VHL: variants seen among roughly 807,000 people sequenced by gnomAD.
VHL encodes von Hippel-Lindau disease tumor suppressor.
VHL carries 10 observed loss-of-function variants against 19.2 expected under a neutral mutation model. The observed-to-expected ratio is 0.52, with a 90% CI of 0.32 to 0.89. The LOEUF (loss-of-function observed/expected upper bound fraction) is 0.89. Among genes scored for constraint, VHL ranks in the 40% least tolerant of loss-of-function variants. VHL has a pLI of 0.03. For missense variants in VHL, 328 were observed against 292.7 expected (o/e 1.12, Z -0.88); for synonymous variants, 167 against 129.5 (o/e 1.29, Z -1.97).
chr3:10,149,469 G>A (rs1696345989), intron 2 of VHL, among the ~76,000 whole-genome samples: 1 of 152,132 alleles, frequency 6.6e-6, no homozygotes, highest in Non-Finnish European at 1.5e-5. Flanking sequence ...GCTTTCAAAA[G>A]TATAAAAGCA....
rs996469746 is a variant in VHL at position 10,141,886 on chromosome 3, A to T, written c.39A>T (p.Val13=). The T allele has an allele frequency of 9.1e-6, 14 of 1,532,710 alleles. No individual in the cohort carries two copies. The highest frequency in any genetic ancestry group is 1.1e-5 in the Non-Finnish European group (13 of 1,137,492). The allele number at this position is 1,532,710 out of a possible 1,614,324, so 94.9% of individuals were successfully genotyped here. ...RRAENWDEAE[V]GAEEAGVEEY... ...CGGAGAACTGGGACGAGGCCGAGGTAGGCGCGGAGGAGGCAGGCGTCGAAG... is the reference window on the plus strand; with the variant it reads ...CGGAGAACTGGGACGAGGCCGAGGTTGGCGCGGAGGAGGCAGGCGTCGAAG... Residue 13 remains valine (V), a synonymous_variant, in exon 1 of 3, where the codon GTA becomes GTT. Coordinates refer to ENST00000256474, the MANE Select transcript of VHL (RefSeq NM_000551.4).
chr3:10,144,524 T>TG (rs1209833791), intron 1 of VHL, among the ~76,000 whole-genome samples: 1 of 125,554 alleles, frequency 8.0e-6, no homozygotes, highest in Non-Finnish European at 1.6e-5. Context: ...TGAGACAGGA[T>TG]GTCCTGCTGT....
chr3:10,152,524 ACT>A lies in VHL; in HGVS notation c.*2562_*2563del, dbSNP rs1696439193. Among the ~76,000 whole-genome samples the A allele has an allele frequency of 1.0e-5, 1 of 97,222 alleles. No homozygotes were observed. The highest frequency in any genetic ancestry group is 1.8e-5 in the Non-Finnish European group (1 of 54,992). The allele number at this position is 97,222 out of a possible 152,430, so 63.8% of individuals were successfully genotyped here. A position where few individuals can be genotyped will look rare whatever the true frequency, so the allele number is the denominator to read the frequency against. ...TTTTTTTTTTTTGAGATGGAGTCTC[ACT>A]CTGTTGCCCAGGCTGGAGTGCAGTG... is the stretch of plus-strand genomic sequence containing the variant. On this transcript the variant is annotated 3_prime_UTR_variant, in exon 3 of 3. Transcript: ENST00000256474.
chr3:10,143,401 T>C (rs1696176390), intron 1 of VHL, among the ~76,000 whole-genome samples: 2 of 152,148 alleles, frequency 1.3e-5, no homozygotes, highest in Admixed American at 1.3e-4. Context: ...AGTGCTGAGA[T>C]TACAGGTGTA....
rs878854127 is a variant in VHL, at chr3:10,149,864, G to A, written c.541G>A (p.Val181Ile). Reference protein sequence around the residue: ...KPENYRRLDIVRSLYEDLEDH... With the variant: ...KPENYRRLDIIRSLYEDLEDH... ...TGAGAATTACAGGAGACTGGACATCGTCAGGTCGCTCTACGAAGATCTGGA... is the reference window on the plus strand; with the variant it reads ...TGAGAATTACAGGAGACTGGACATCATCAGGTCGCTCTACGAAGATCTGGA... Residue 181 changes from valine (V) to isoleucine (I), a missense_variant, in exon 3 of 3, where the codon GTC becomes ATC. Coordinates refer to ENST00000256474, the MANE Select transcript of VHL (RefSeq NM_000551.4). 3.1e-6 allele frequency: 5 copies of A among 1,614,186 alleles called. No individual in the cohort carries two copies. Among genetic ancestry groups the A allele is most frequent in the South Asian group, 2.2e-5 (2 of 91,076 alleles).
chr3:10,141,876 A>G lies in VHL; in HGVS notation c.29A>G (p.Glu10Gly), dbSNP rs786204065. MPRRAENWDEAEVGAEEAGV... is the reference protein window; with the variant it reads MPRRAENWDGAEVGAEEAGV... ...CCCCGGAGGGCGGAGAACTGGGACG[A>G]GGCCGAGGTAGGCGCGGAGGAGGCA... The change falls in exon 1 of 3, where the codon GAG becomes GGG. Residue 10 changes from glutamate (E) to glycine (G), a missense_variant. Glu to Gly is a moderately conservative substitution (Grantham distance 98). Coordinates refer to ENST00000256474, the MANE Select transcript of VHL (RefSeq NM_000551.4). 1 of 1,533,598 alleles carries G rather than the reference A, an allele frequency of 6.5e-7. No individual in the cohort carries two copies. Among genetic ancestry groups the G allele is most frequent in the Non-Finnish European group, 8.8e-7 (1 of 1,138,092 alleles). The allele number at this position is 1,533,598 out of a possible 1,614,324, so 95.0% of individuals were successfully genotyped here.
Position 10,152,603 on chromosome 3 carries a change from C to T in VHL, c.*2638C>T, listed in dbSNP as rs1199307685. Among the ~76,000 whole-genome samples, 3 of 144,300 alleles carry T rather than the reference C, an allele frequency of 2.1e-5. No individual in the cohort carries two copies. Among genetic ancestry groups the T allele is most frequent in the Non-Finnish European group, 4.5e-5 (3 of 66,630 alleles). The allele number at this position is 144,300 out of a possible 152,430, so 94.7% of individuals were successfully genotyped here. A position where few individuals can be genotyped will look rare whatever the true frequency, so the allele number is the denominator to read the frequency against. On this transcript the variant is annotated 3_prime_UTR_variant, in exon 3 of 3. Coordinates refer to ENST00000256474, the MANE Select transcript of VHL (RefSeq NM_000551.4). ...TGCCTCCCGAGTTCAAGTGATTCTC[C>T]TGGCTCACCCTCCTGAGTAGCTGGG...
intron 1 of VHL, among the ~76,000 whole-genome samples, chr3:10,146,074 A>G (rs1296154537): frequency 6.6e-6 from 1 of 152,074 alleles, no homozygotes; most frequent in Non-Finnish European, 1.5e-5. Context: ...TGTTACTAGA[A>G]GGGCTTTGTA....
chr3:10,144,009 C>T (rs545942078), intron 1 of VHL, among the ~76,000 whole-genome samples: 2 of 152,286 alleles, frequency 1.3e-5, no homozygotes, highest in South Asian at 4.1e-4. Flanking sequence ...ATCTTTCTTC[C>T]TTGAGGGTGG....
chr3:10,148,360 G>A (rs1236765988), intron 2 of VHL, among the ~76,000 whole-genome samples: 1 of 145,284 alleles, frequency 6.9e-6, no homozygotes, highest in Non-Finnish European at 1.5e-5. Flanking sequence ...TGTCGCCCAG[G>A]CTGGAGTGCA....
At chr3:10,147,693 G>T (rs1257996389) in intron 2 of VHL, among the ~76,000 whole-genome samples, 1 of 150,794 alleles carries the variant, frequency 6.6e-6, no homozygotes, top group Non-Finnish European at 1.5e-5. Flanking sequence ...AATCATTGAA[G>T]ATTGGTATAA....
chr3:10,146,011 A>C (rs1409792697), intron 1 of VHL, among the ~76,000 whole-genome samples: 1 of 133,824 alleles, frequency 7.5e-6, no homozygotes. Context: ...CACTTCTCTC[A>C]GACTTGTTTT....
chr3:10,150,555 G>T lies in VHL; in HGVS notation c.*590G>T. ...CTGCCTCTATTTTTGTTGGGGGGTG[G>T]GAGAGGGGACCTTAAAATGTGTACA... On this transcript the variant is annotated 3_prime_UTR_variant, in exon 3 of 3. Transcript: ENST00000256474. 3.9e-6 allele frequency: 1 copy of T among 257,048 alleles called. No homozygotes were observed. The highest frequency in any genetic ancestry group is 4.9e-5 in the Admixed American group (1 of 20,374). The allele number at this position is 257,048 out of a possible 1,614,324, so 15.9% of individuals were successfully genotyped here.
chr3:10,145,915 C>G (rs975177540), intron 1 of VHL, among the ~76,000 whole-genome samples: 1 of 152,008 alleles, frequency 6.6e-6, no homozygotes, highest in African/African-American at 2.4e-5. Context: ...CTAGGCTTCC[C>G]TTTTCCACCA....
Position 10,153,345 on chromosome 3 carries a change from C to G in VHL, c.*3380C>G, listed in dbSNP as rs1425628469. 1.3e-5 allele frequency among the ~76,000 whole-genome samples: 2 copies of G among 151,676 alleles called. No individual in the cohort carries two copies. The highest frequency in any genetic ancestry group is 1.9e-4 in the East Asian group (1 of 5,174). On this transcript the variant is annotated 3_prime_UTR_variant, in exon 3 of 3. Transcript: ENST00000256474. ...GGGCGCCTGTGAGGCAGGCGAATCT[C>G]TTGAACCCGGGAGGCGGAGGTTGCA...
rs764955848 is a variant in VHL at position 10,150,939 on chromosome 3, G to A, written c.*974G>A. 4 of 205,818 alleles carry A rather than the reference G, an allele frequency of 1.9e-5. No homozygotes were observed. Among genetic ancestry groups the A allele is most frequent in the Non-Finnish European group, 4.0e-5 (4 of 100,624 alleles). The allele number at this position is 205,818 out of a possible 1,614,324, so 12.7% of individuals were successfully genotyped here. The stretch of plus-strand genomic sequence containing the variant: ...ATGGAGTCTCACTCTTGTCACCCAG[G>A]CTGGAGTGCAGTGGCGCCATCTCGG... On this transcript the variant is annotated 3_prime_UTR_variant, in exon 3 of 3. Transcript: ENST00000256474.
rs1199239596 is a variant in VHL, at chr3:10,153,328, G to C, written c.*3363G>C. Among the ~76,000 whole-genome samples the C allele has an allele frequency of 6.6e-6, 1 of 151,664 alleles. No homozygotes were observed. Among genetic ancestry groups the C allele is most frequent in the Non-Finnish European group, 1.5e-5 (1 of 67,944 alleles). ...TATCCAGGTGTGGCGGTGGGCGCCT[G>C]TGAGGCAGGCGAATCTCTTGAACCC... On this transcript the variant is annotated 3_prime_UTR_variant, in exon 3 of 3. Transcript: ENST00000256474.
chr3:10,152,060 CAAAA>C lies in VHL; in HGVS notation c.*2114_*2117del, dbSNP rs757106274. On this transcript the variant is annotated 3_prime_UTR_variant, in exon 3 of 3. Transcript: ENST00000256474. ...TGGGGGACAGAGCAAGACCCTGCCTCAAAAAAAAAAAAAAAAAAAAAATCAGGCC... is the reference window on the plus strand; with the variant it reads ...TGGGGGACAGAGCAAGACCCTGCCTCAAAAAAAAAAAAAAAAAATCAGGCC... The C allele has an allele frequency of 0.12, 10,663 of 89,118 alleles. 1,353 individuals are homozygous for C. The highest frequency in any genetic ancestry group is 0.34 in the African/African-American group (8,731 of 25,720). 5.5% of individuals were successfully genotyped at this position (89,118 alleles called of 1,614,324 possible).
intron 2 of VHL, among the ~76,000 whole-genome samples, chr3:10,147,309 C>T (rs1236417972): frequency 2.0e-5 from 3 of 151,248 alleles, no homozygotes; most frequent in Admixed American, 1.3e-4. Flanking sequence ...AGCACCTGGC[C>T]TATGTATTTT....
Sources: gnomAD v4.1 joint callset for allele counts (sites outside exome capture counted in the v4.1 genomes callset) on GRCh38, gnomAD v4.1.1 for gene constraint, MANE v1.5 for transcripts, NCBI Gene and HGNC (gene_info 2026-07-23, HGNC 2026-07-21) for gene names.